The following RPS6KA5 variants were observed in gnomAD, a reference collection of about 807,000 sequenced individuals.
RPS6KA5 encodes ribosomal protein S6 kinase A5.
Under a neutral mutation model 85.5 loss-of-function variants are expected in RPS6KA5, and 27 were observed. The ratio of observed to expected loss-of-function variants is 0.32; its 90% CI spans 0.23 to 0.44. The LOEUF is 0.44. Ranked by LOEUF, RPS6KA5 falls within the 20% of genes least tolerant of loss-of-function variation. The pLI, the probability that RPS6KA5 is intolerant of heterozygous loss-of-function variation, is 1.00. For missense variants in RPS6KA5, 811 were observed against 980.9 expected (o/e 0.83, Z 2.31); for synonymous variants, 334 against 348.2 (o/e 0.96, Z 0.46).
At chr14:90,968,562 T>A (rs2039179601) in intron 3 of RPS6KA5, among the ~76,000 whole-genome samples, 1 of 152,018 alleles carries the variant, frequency 6.6e-6, no homozygotes, top group East Asian at 1.9e-4. Flanking sequence ...TCTACCTCCA[T>A]GATAACACCA....
At chr14:90,956,478 C>A (rs1248172984) in intron 3 of RPS6KA5, among the ~76,000 whole-genome samples, 2 of 152,008 alleles carry the variant, frequency 1.3e-5, no homozygotes, top group East Asian at 1.9e-4. Context: ...ACAATCTCTG[C>A]CTTTTGATTA....
At chr14:90,985,667 G>A (rs1306169760) in intron 2 of RPS6KA5, among the ~76,000 whole-genome samples, 1 of 152,176 alleles carries the variant, frequency 6.6e-6, no homozygotes, top group Non-Finnish European at 1.5e-5. Flanking sequence ...ATGCTCTTAA[G>A]TGACTTATAC....
At chr14:90,915,223 T>C (rs539076149) in intron 7 of RPS6KA5, among the ~76,000 whole-genome samples, 2 of 152,334 alleles carry the variant, frequency 1.3e-5, no homozygotes, top group African/African-American at 4.8e-5. Context: ...AAAGGGCTCA[T>C]GGTAGGCAGA....
At chr14:90,916,729 T>C (rs887356446) in intron 7 of RPS6KA5, among the ~76,000 whole-genome samples, 1 of 152,190 alleles carries the variant, frequency 6.6e-6, no homozygotes, top group South Asian at 2.1e-4. Context: ...GTTGACACCA[T>C]GACAAAGTGG....
At chr14:90,892,088 T>G (rs1401523204) in intron 13 of RPS6KA5, among the ~76,000 whole-genome samples, 1 of 151,236 alleles carries the variant, frequency 6.6e-6, no homozygotes, top group South Asian at 2.1e-4. Context: ...AACCTCCACC[T>G]CCTGGATTCA....
intron 1 of RPS6KA5, among the ~76,000 whole-genome samples, chr14:91,004,739 G>T (rs368200531): frequency 6.6e-6 from 1 of 151,864 alleles, no homozygotes; most frequent in Non-Finnish European, 1.5e-5. Flanking sequence ...AGGCCGAGGC[G>T]GGTGGATCAC....
At position 90,894,635 on chromosome 14, in the gene RPS6KA5, A is replaced by G. The variant is rs754661280; in HGVS notation, c.1474-52T>C. The G allele has an allele frequency of 1.5e-5, 24 of 1,574,092 alleles. No homozygotes were observed. The East Asian group carries it at 4.3e-4, about 28-fold the overall frequency. On this transcript the variant is annotated intron_variant, in intron 12 of 16. Transcript: ENST00000614987. ...GGGCCTTCCTGAAGCACAGAAGTCT[A>G]TTAACATATAAAACATTTATTGACT... is the stretch of plus-strand genomic sequence containing the variant.
At chr14:91,045,041 A>G (rs921834490) in intron 1 of RPS6KA5, among the ~76,000 whole-genome samples, 2 of 152,046 alleles carry the variant, frequency 1.3e-5, no homozygotes, top group Non-Finnish European at 2.9e-5. Flanking sequence ...CCAGACAAGA[A>G]CTCAGTCTGG....
At chr14:90,968,899 T>C (rs1005655682) in intron 3 of RPS6KA5, among the ~76,000 whole-genome samples, 4 of 152,234 alleles carry the variant, frequency 2.6e-5, no homozygotes, top group African/African-American at 4.8e-5. Flanking sequence ...AGCAGAATAA[T>C]AGCCCTTTAA....
chr14:90,933,270 C>G (rs1019994648), intron 5 of RPS6KA5, among the ~76,000 whole-genome samples: 3 of 152,156 alleles, frequency 2.0e-5, no homozygotes, highest in African/African-American at 7.2e-5. Flanking sequence ...ATATAGCTCA[C>G]TGCTTAACAT....
intron 4 of RPS6KA5, among the ~76,000 whole-genome samples, chr14:90,946,067 C>A (rs1462802761): frequency 6.6e-6 from 1 of 152,050 alleles, no homozygotes; most frequent in African/African-American, 2.4e-5. Flanking sequence ...AACTAATTGC[C>A]CTAAATCATA....
Position 90,858,062 on chromosome 14 carries a change from A to G in RPS6KA5, c.*14012T>C, listed in dbSNP as rs1182730172. 6.6e-6 allele frequency: 1 copy of G among 152,198 alleles called. No individual in the cohort carries two copies. Among genetic ancestry groups the G allele is most frequent in the Non-Finnish European group, 1.5e-5 (1 of 68,030 alleles). 9.4% of individuals were successfully genotyped at this position (152,198 alleles called of 1,614,324 possible). A position where few individuals can be genotyped will look rare whatever the true frequency, so the allele number is the denominator to read the frequency against. On this transcript the variant is annotated 3_prime_UTR_variant, in exon 17 of 17. Transcript: ENST00000614987. ...CCAGATTTTTGCTTTTGGCCACAATAGAGTAGCTTGTGATTGGACTAGCCC... is the reference window on the plus strand; with the variant it reads ...CCAGATTTTTGCTTTTGGCCACAATGGAGTAGCTTGTGATTGGACTAGCCC...
At chr14:90,994,862 G>C (rs929954021) in intron 2 of RPS6KA5, among the ~76,000 whole-genome samples, 2 of 151,834 alleles carry the variant, frequency 1.3e-5, no homozygotes, top group African/African-American at 4.8e-5. Context: ...GTGAGCCACC[G>C]CACACGGCTG....
At position 90,875,295 on chromosome 14, in the gene RPS6KA5, C is replaced by T. The variant is rs373068417; in HGVS notation, c.1902G>A (p.Ala634=). 1.6e-5 allele frequency: 26 copies of T among 1,613,936 alleles called. No individual in the cohort carries two copies. Among genetic ancestry groups the T allele is most frequent in the Admixed American group, 1.3e-4 (8 of 60,002 alleles). ...SHDRSLTCTS[A]VEIMKKIKKG... is the part of the protein sequence containing the mutation. ...TTTTAATTTTCTTCATGATTTCCAC[C>T]GCGCTGGTACACGTCAAACTTCGGT... The change falls in exon 15 of 17, where the codon GCG becomes GCA. Residue 634 remains alanine (A), a synonymous_variant. Coordinates refer to ENST00000614987, the MANE Select transcript of RPS6KA5 (RefSeq NM_004755.4).
At chr14:90,942,609 C>A (rs998030687) in intron 5 of RPS6KA5, among the ~76,000 whole-genome samples, 7 of 152,154 alleles carry the variant, frequency 4.6e-5, no homozygotes, top group African/African-American at 1.7e-4. Context: ...CAAAAACCAG[C>A]AATATTATTT....
chr14:91,046,023 G>C (rs2042859457), intron 1 of RPS6KA5, among the ~76,000 whole-genome samples: 1 of 152,126 alleles, frequency 6.6e-6, no homozygotes, highest in Non-Finnish European at 1.5e-5. Context: ...ACAACAACCA[G>C]GGCCTCAGCT....
chr14:90,929,861 T>C (rs2036878252), intron 5 of RPS6KA5, among the ~76,000 whole-genome samples: 1 of 152,120 alleles, frequency 6.6e-6, no homozygotes, highest in Admixed American at 6.5e-5. Flanking sequence ...TACTATAAAA[T>C]GATAGGCTTT....
At chr14:90,899,861 C>G (rs1231938542) in intron 11 of RPS6KA5, among the ~76,000 whole-genome samples, 30 of 152,144 alleles carry the variant, frequency 2.0e-4, no homozygotes, top group Admixed American at 1.9e-3. Flanking sequence ...GTCACTGTCA[C>G]AAAGACGTTT....
At chr14:90,962,446 G>C (rs547298763) in intron 3 of RPS6KA5, among the ~76,000 whole-genome samples, 10 of 151,798 alleles carry the variant, frequency 6.6e-5, no homozygotes, top group Non-Finnish European at 1.0e-4. Flanking sequence ...TGGGACTATA[G>C]GTGCAAAATT....
Sources: allele counts gnomAD v4.1 joint callset (sites outside exome capture counted in the v4.1 genomes callset), GRCh38; gene constraint gnomAD v4.1.1; transcripts MANE v1.5; gene names NCBI Gene and HGNC (gene_info 2026-07-23, HGNC 2026-07-21).